PTPRG: variants seen among roughly 807,000 people sequenced by gnomAD.
PTPRG encodes protein tyrosine phosphatase receptor type G, also known as receptor-type tyrosine-protein phosphatase gamma.
In PTPRG, 102 loss-of-function variants were observed where a neutral mutation model predicts 165.3. That is an observed-to-expected ratio of 0.62 (90% CI 0.53 to 0.73). PTPRG has a LOEUF of 0.73. Ranked by LOEUF, PTPRG falls within the 30% of genes least tolerant of loss-of-function variation. PTPRG has a pLI of 0.00. For synonymous variants in PTPRG, 675 were observed against 669.5 expected, an observed-to-expected ratio of 1.01 and a Z score of -0.13; for missense variants, 1,866 against 1,861.4, an observed-to-expected ratio of 1.00 and a Z score of -0.05.
intron 2 of PTPRG, among the ~76,000 whole-genome samples, chr3:61,840,571 A>G (rs1040932449): frequency 2.0e-5 from 3 of 152,156 alleles, no homozygotes; most frequent in African/African-American, 7.2e-5. Context: ...TGCTTTGGTC[A>G]TACTAATTTA....
intron 1 of PTPRG, among the ~76,000 whole-genome samples, chr3:61,680,603 A>G (rs1356139946): frequency 4.6e-4 from 1 of 2,168 alleles, no homozygotes; most frequent in Non-Finnish European, 0.026. Context: ...CTGTCCTTCA[A>G]AAAAAAAAAT....
chr3:61,604,491 A>G (rs1160789167), intron 1 of PTPRG, among the ~76,000 whole-genome samples: 4 of 152,184 alleles, frequency 2.6e-5, no homozygotes, highest in Non-Finnish European at 2.9e-5. Flanking sequence ...TTAAAGGCCC[A>G]TATGTCTAAG....
At chr3:61,645,850 C>G (rs947845476) in intron 1 of PTPRG, among the ~76,000 whole-genome samples, 3 of 152,182 alleles carry the variant, frequency 2.0e-5, no homozygotes, top group African/African-American at 4.8e-5. Context: ...CCAGATCTAG[C>G]CTAACCAGTG....
chr3:61,987,438 T>A (rs1367557219), intron 2 of PTPRG, among the ~76,000 whole-genome samples: 1 of 152,190 alleles, frequency 6.6e-6, no homozygotes, highest in Non-Finnish European at 1.5e-5. Flanking sequence ...GCAAGTACTT[T>A]TCTGACATCG....
At chr3:61,567,701 G>T (rs1355989342) in intron 1 of PTPRG, among the ~76,000 whole-genome samples, 1 of 146,704 alleles carries the variant, frequency 6.8e-6, no homozygotes, top group Non-Finnish European at 1.5e-5. Flanking sequence ...ATCAAATGTA[G>T]GCTGGGCATG....
chr3:62,265,167 C>A (rs987144636), intron 17 of PTPRG, among the ~76,000 whole-genome samples: 18 of 152,164 alleles, frequency 1.2e-4, no homozygotes, highest in Middle Eastern at 3.4e-3. Flanking sequence ...TGTAAGAGTT[C>A]TTTATATATT....
chr3:62,065,363 G>A (rs1256128611), intron 4 of PTPRG, among the ~76,000 whole-genome samples: 2 of 152,156 alleles, frequency 1.3e-5, no homozygotes, highest in Non-Finnish European at 2.9e-5. Context: ...GGCTGAAAAT[G>A]GGTCTTTCAG....
chr3:61,812,600 C>G (rs1225152066), intron 2 of PTPRG, among the ~76,000 whole-genome samples: 1 of 152,188 alleles, frequency 6.6e-6, no homozygotes, highest in African/African-American at 2.4e-5. Flanking sequence ...CAGATTCATC[C>G]TATCTAGGTT....
intron 1 of PTPRG, among the ~76,000 whole-genome samples, chr3:61,575,650 G>C (rs1700160044): frequency 7.5e-6 from 1 of 132,496 alleles, no homozygotes; most frequent in Non-Finnish European, 1.5e-5. Flanking sequence ...CACCCAGACT[G>C]TTCAGTGGCG....
intron 4 of PTPRG, among the ~76,000 whole-genome samples, chr3:62,007,212 T>G (rs1234703624): frequency 6.6e-6 from 1 of 152,166 alleles, no homozygotes; most frequent in African/African-American, 2.4e-5. Flanking sequence ...CTTTGTAGGT[T>G]TTGTTGCTTC....
At chr3:61,740,339 C>A (rs1442364113) in intron 1 of PTPRG, among the ~76,000 whole-genome samples, 1 of 152,130 alleles carries the variant, frequency 6.6e-6, no homozygotes, top group Non-Finnish European at 1.5e-5. Flanking sequence ...AGGAAGGTGC[C>A]TGTGAGAAAG....
intron 3 of PTPRG, among the ~76,000 whole-genome samples, chr3:61,991,832 A>G (rs138952326): frequency 7.9e-4 from 120 of 152,322 alleles, no homozygotes; most frequent in African/African-American, 2.9e-3. Context: ...AACACGTTTC[A>G]TTGACAGCTT....
rs1408991699 is a variant in PTPRG, at chr3:62,293,690, T to C, written c.*383T>C. On this transcript the variant is annotated 3_prime_UTR_variant, in exon 30 of 30. Coordinates refer to ENST00000474889, the MANE Select transcript of PTPRG (RefSeq NM_002841.4). ...TTATTATTATTATTGCTGAAGTGGT[T>C]GCATTCTACTAGCAGGCAATGCTGT... The C allele has an allele frequency of 3.2e-5, 5 of 157,130 alleles. No individual in the cohort carries two copies. Among genetic ancestry groups the C allele is most frequent in the Non-Finnish European group, 7.0e-5 (5 of 71,046 alleles). The allele number at this position is 157,130 out of a possible 1,614,324, so 9.7% of individuals were successfully genotyped here.
intron 1 of PTPRG, among the ~76,000 whole-genome samples, chr3:61,687,754 G>T (rs1703680913): frequency 6.6e-6 from 1 of 152,142 alleles, no homozygotes; most frequent in Non-Finnish European, 1.5e-5. Flanking sequence ...AAACATTTGT[G>T]GGGGTGGTGT....
intron 4 of PTPRG, among the ~76,000 whole-genome samples, chr3:62,039,140 G>C (rs907264500): frequency 6.6e-6 from 1 of 151,958 alleles, no homozygotes; most frequent in African/African-American, 2.4e-5. Context: ...TCACTGTGTT[G>C]GCTAGGCTGC....
At chr3:61,938,661 G>A (rs565319716) in intron 2 of PTPRG, among the ~76,000 whole-genome samples, 1 of 152,194 alleles carries the variant, frequency 6.6e-6, no homozygotes, top group African/African-American at 2.4e-5. Flanking sequence ...CTTAAGGTGC[G>A]GTCAGTTGAA....
At chr3:61,873,298 C>G (rs1025464015) in intron 2 of PTPRG, among the ~76,000 whole-genome samples, 1 of 152,154 alleles carries the variant, frequency 6.6e-6, no homozygotes, top group Admixed American at 6.6e-5. Flanking sequence ...CTTGGGAGAC[C>G]ATGCAACTGC....
intron 12 of PTPRG, among the ~76,000 whole-genome samples, chr3:62,212,886 C>G (rs1285337713): frequency 6.6e-6 from 1 of 152,180 alleles, no homozygotes; most frequent in Admixed American, 6.5e-5. Flanking sequence ...GAAGGGGTGT[C>G]AAACCAGGGT....
intron 29 of PTPRG, chr3:62,292,867 A>G (rs1702949238): frequency 4.2e-6 from 2 of 476,424 alleles, no homozygotes; most frequent in East Asian, 7.0e-5. Context: ...TATCTTCATT[A>G]ACCAGATATT....
Sources: allele counts gnomAD v4.1 joint callset (sites outside exome capture counted in the v4.1 genomes callset), GRCh38; gene constraint gnomAD v4.1.1; transcripts MANE v1.5; gene names NCBI Gene and HGNC (gene_info 2026-07-23, HGNC 2026-07-21).